CFAP44: variants seen among roughly 807,000 people sequenced by gnomAD.
CFAP44 encodes the protein cilia- and flagella-associated protein 44.
In CFAP44, 134 loss-of-function variants were observed where a neutral mutation model predicts 216.2. The ratio of observed to expected loss-of-function variants is 0.62; its 90% CI spans 0.54 to 0.72. The LOEUF (loss-of-function observed/expected upper bound fraction) is 0.72, where lower values mean the gene tolerates loss of function less well. Ranked by LOEUF, CFAP44 falls within the 30% of genes least tolerant of loss-of-function variation. The probability of loss-of-function intolerance (pLI) is 0.00; values close to 1 mark genes in which losing one functional copy is unlikely to be tolerated. For missense variants in CFAP44, 2,035 were observed against 2,182.1 expected (o/e 0.93, Z 1.34); for synonymous variants, 700 against 727.6 (o/e 0.96, Z 0.61).
At position 113,287,210 on chromosome 3, in the gene CFAP44, A is replaced by C. The variant is rs1949768119; in HGVS notation, c.*4347T>G. On this transcript the variant is annotated 3_prime_UTR_variant, in exon 35 of 35. Transcript: ENST00000393845. The stretch of plus-strand genomic sequence containing the variant: ...TGGCAAGAGGAAGGATCCCAGGCAC[A>C]TGGTTCATCACGAGCATGAGGGAAC... 2.6e-6 allele frequency: 1 copy of C among 384,360 alleles called. No individual in the cohort carries two copies. The allele number at this position is 384,360 out of a possible 1,614,324, so 23.8% of individuals were successfully genotyped here. A position where few individuals can be genotyped will look rare whatever the true frequency, so the allele number is the denominator to read the frequency against.
Position 113,308,164 on chromosome 3 carries a change from G to A in CFAP44, c.4621C>T (p.Pro1541Ser), listed in dbSNP as rs1246159290. 6.5e-7 allele frequency: 1 copy of A among 1,531,910 alleles called. No individual in the cohort carries two copies. The highest frequency in any genetic ancestry group is 8.7e-7 in the Non-Finnish European group (1 of 1,145,300). The allele number at this position is 1,531,910 out of a possible 1,614,324, so 94.9% of individuals were successfully genotyped here. Residue 1541 changes from proline to serine, a missense_variant, in exon 29 of 35, where the codon CCA becomes TCA. Transcript: ENST00000393845. ...EDEVFDDSIC[P>S]TNCDVALFEL... Reference sequence around the variant, plus strand: ...GTGGTTTTATCTAACTTACTTGTTGGGCAAATAGAATCATCAAAAACCTCA... The same window carrying A: ...GTGGTTTTATCTAACTTACTTGTTGAGCAAATAGAATCATCAAAAACCTCA...
intron 1 of CFAP44, among the ~76,000 whole-genome samples, chr3:113,440,281 G>A (rs1252026668): frequency 1.3e-5 from 2 of 152,038 alleles, no homozygotes; most frequent in African/African-American, 2.4e-5. Context: ...GACTTGTCTC[G>A]AACTCCTGAC....
intron 18 of CFAP44, among the ~76,000 whole-genome samples, chr3:113,367,317 A>G (rs554546201): frequency 1.3e-5 from 2 of 152,320 alleles, no homozygotes; most frequent in South Asian, 4.1e-4. Context: ...GGGCCAACAG[A>G]CACCTCATAC....
At chr3:113,405,312 T>C (rs1934248243) in intron 8 of CFAP44, among the ~76,000 whole-genome samples, 1 of 152,198 alleles carries the variant, frequency 6.6e-6, no homozygotes. Flanking sequence ...CCAGCAGTGA[T>C]GACAAAAACC....
At chr3:113,373,072 A>C (rs1279880530) in intron 18 of CFAP44, among the ~76,000 whole-genome samples, 1 of 152,238 alleles carries the variant, frequency 6.6e-6, no homozygotes, top group Non-Finnish European at 1.5e-5. Context: ...CAATTATTAA[A>C]GGGCTAATGA....
chr3:113,343,059 C>CTTTTT (rs397990837), intron 23 of CFAP44, among the ~76,000 whole-genome samples: 141 of 106,762 alleles, frequency 1.3e-3, no homozygotes, highest in Middle Eastern at 5.4e-3. Flanking sequence ...TTCTTTCTTT[C>CTTTTT]TTTTTTTTTT....
intron 15 of CFAP44, among the ~76,000 whole-genome samples, chr3:113,388,710 C>T (rs565567994): frequency 2.0e-5 from 3 of 151,978 alleles, no homozygotes; most frequent in Non-Finnish European, 4.4e-5. Context: ...ATGTTCCATG[C>T]AAACAGAAAT....
chr3:113,300,410 C>A (rs367962018), intron 32 of CFAP44, among the ~76,000 whole-genome samples: 3 of 151,588 alleles, frequency 2.0e-5, no homozygotes, highest in Admixed American at 6.6e-5. Flanking sequence ...GTGAGGATAT[C>A]CCATTTACCC....
At chr3:113,341,944 G>A in intron 23 of CFAP44, 26 bp from the exon 24 acceptor site, 2 of 1,484,148 alleles carry the variant, frequency 1.3e-6, no homozygotes, top group South Asian at 2.8e-5. Flanking sequence ...ACATTTTTCA[G>A]CCTTTTTGAG....
intron 16 of CFAP44, 102 bp downstream of exon 16, chr3:113,380,797 T>C (rs1933485643): frequency 5.0e-6 from 5 of 992,806 alleles, no homozygotes; most frequent in Non-Finnish European, 6.9e-6. Flanking sequence ...TCAGGGCCTA[T>C]GTTTTATTCT....
At chr3:113,440,352 C>T (rs934987679) in intron 1 of CFAP44, among the ~76,000 whole-genome samples, 4 of 152,086 alleles carry the variant, frequency 2.6e-5, no homozygotes, top group African/African-American at 4.8e-5. Context: ...TCAGCCACCG[C>T]GCACAGCCTA....
intron 15 of CFAP44, among the ~76,000 whole-genome samples, chr3:113,393,512 C>A (rs1366434597): frequency 6.6e-6 from 1 of 152,010 alleles, no homozygotes; most frequent in African/African-American, 2.4e-5. Context: ...GAGCCTGGCA[C>A]CTCCCCACTC....
intron 22 of CFAP44, among the ~76,000 whole-genome samples, chr3:113,346,831 C>T (rs374889333): frequency 6.6e-6 from 1 of 152,230 alleles, no homozygotes. Flanking sequence ...AGCGGCAAAC[C>T]ACTCGGGTCC....
intron 5 of CFAP44, among the ~76,000 whole-genome samples, chr3:113,418,059 T>TTTATTTATTTAA (rs1934697458): frequency 6.9e-6 from 1 of 145,564 alleles, no homozygotes; most frequent in Non-Finnish European, 1.6e-5. Flanking sequence ...TGAGACACAA[T>TTTATTTATTTAA]TTATTTATTT....
Position 113,427,169 on chromosome 3 carries a change from A to G in CFAP44, c.253+18T>C, listed in dbSNP as rs1204602777. On this transcript the variant is annotated intron_variant, in intron 3 of 34. Transcript: ENST00000393845. ...CTAAAACAGTGACAATTACTGACAGAAAACTAATAATACCTACCTGTAGTG... is the reference window on the plus strand; with the variant it reads ...CTAAAACAGTGACAATTACTGACAGGAAACTAATAATACCTACCTGTAGTG... 4 of 1,604,172 alleles carry G rather than the reference A, an allele frequency of 2.5e-6. No individual in the cohort carries two copies. Among genetic ancestry groups the G allele is most frequent in the Middle Eastern group, 1.7e-4 (1 of 6,042 alleles).
intron 22 of CFAP44, among the ~76,000 whole-genome samples, chr3:113,358,401 TG>T (rs1478754275): frequency 2.0e-5 from 3 of 152,204 alleles, no homozygotes; most frequent in Non-Finnish European, 4.4e-5. Flanking sequence ...GGTTGTCTTT[TG>T]TTTAAAGTCC....
At chr3:113,392,672 T>C (rs1933876992) in intron 15 of CFAP44, among the ~76,000 whole-genome samples, 1 of 152,102 alleles carries the variant, frequency 6.6e-6, no homozygotes, top group Admixed American at 6.5e-5. Context: ...ATGTACCCCA[T>C]AAATACATAT....
intron 22 of CFAP44, among the ~76,000 whole-genome samples, chr3:113,355,224 G>GA (rs199967870): frequency 0.022 from 3,370 of 149,908 alleles, 126 homozygotes; most frequent in African/African-American, 0.076. Flanking sequence ...TATTGAAATT[G>GA]AAAAAAAAAA....
intron 2 of CFAP44, among the ~76,000 whole-genome samples, chr3:113,432,836 A>T (rs966345854): frequency 6.6e-6 from 1 of 152,208 alleles, no homozygotes; most frequent in Non-Finnish European, 1.5e-5. Flanking sequence ...TCTCCTGATA[A>T]ATATTCCCAC....
Sources: allele counts gnomAD v4.1 joint callset (sites outside exome capture counted in the v4.1 genomes callset), GRCh38; gene constraint gnomAD v4.1.1; transcripts MANE v1.5; gene names NCBI Gene and HGNC (gene_info 2026-07-23, HGNC 2026-07-21).